Variants in RANBP2 observed in about 807,000 individuals in gnomAD.
RANBP2 encodes RAN binding protein 2, also known as E3 SUMO-protein ligase RanBP2.
In RANBP2, 57 loss-of-function variants were observed where a neutral mutation model predicts 303.6. That is an observed-to-expected ratio of 0.19 (90% CI 0.15 to 0.23). The LOEUF (loss-of-function observed/expected upper bound fraction) is 0.23, where lower values mean the gene tolerates loss of function less well. Among genes scored for constraint, RANBP2 ranks in the 10% least tolerant of loss-of-function variants. RANBP2 has a pLI of 1.00. For missense variants in RANBP2, 3,138 were observed against 3,780.8 expected (o/e 0.83, Z 4.46); for synonymous variants, 1,167 against 1,301.5 (o/e 0.90, Z 2.23).
In RANBP2 at chr2:108,765,039, T is replaced by C. The variant is rs1364040048; in HGVS notation, c.4500T>C (p.Ala1500=). ...VQNEGSSTKC[A]ACQNPRKQSL... ...ATGAGGGGAGCTCTACAAAATGTGC[T>C]GCTTGTCAGAATCCGAGAAAACAGA... The change falls in exon 20 of 29, where the codon GCT becomes GCC. Residue 1500 remains alanine, a synonymous_variant. Coordinates refer to ENST00000283195, the MANE Select transcript of RANBP2 (RefSeq NM_006267.5). The C allele has an allele frequency of 6.8e-6, 11 of 1,614,034 alleles. No homozygotes were observed. Among genetic ancestry groups the C allele is most frequent in the South Asian group, 1.1e-5 (1 of 91,082 alleles).
the RANBP2 span, chr2:109,613,011 T>A: frequency 2.0e-6 from 1 of 499,718 alleles, no homozygotes; most frequent in Non-Finnish European, 3.7e-6. Flanking sequence ...TTTACACAGA[T>A]GAAAACCACC....
At chr2:109,141,010 G>T in the RANBP2 span, among the ~76,000 whole-genome samples, 1 of 152,170 alleles carries the variant, frequency 6.6e-6, no homozygotes, top group African/African-American at 2.4e-5. Context: ...CCAGACTCCT[G>T]TTGGGCAGGC....
chr2:109,008,906 A>AAAAAAG, the RANBP2 span, among the ~76,000 whole-genome samples: 1 of 150,888 alleles, frequency 6.6e-6, no homozygotes, highest in South Asian at 2.1e-4. Context: ...CTCAAAAAAA[A>AAAAAAG]AAAAGAAAAG....
At chr2:109,166,702 G>A in the RANBP2 span, among the ~76,000 whole-genome samples, 1 of 152,172 alleles carries the variant, frequency 6.6e-6, no homozygotes, top group Non-Finnish European at 1.5e-5. Context: ...CTTTTTCAAA[G>A]CAATTTGGAA....
the RANBP2 span, among the ~76,000 whole-genome samples, chr2:108,978,760 G>A: frequency 6.6e-6 from 1 of 152,328 alleles, no homozygotes; most frequent in East Asian, 1.9e-4. Flanking sequence ...TATGGAGACA[G>A]TCTATCGGTA....
At chr2:109,484,429 G>A in the RANBP2 span, among the ~76,000 whole-genome samples, 9 of 152,048 alleles carry the variant, frequency 5.9e-5, no homozygotes, top group African/African-American at 9.6e-5. Context: ...ACTCTGGCCC[G>A]CACCTGCTTT....
the RANBP2 span, among the ~76,000 whole-genome samples, chr2:108,854,376 G>A: frequency 2.0e-5 from 3 of 150,882 alleles, no homozygotes; most frequent in African/African-American, 7.3e-5. Flanking sequence ...TAGCTGTGTG[G>A]TATTTGGAAG....
rs890087190 is a variant in RANBP2, at chr2:108,719,612, G to T, written c.6G>T (p.Arg2Ser). Residue 2 changes from arginine (R) to serine (S), a missense_variant, in exon 1 of 29, where the codon AGG (arginine) becomes AGT (serine). By Grantham distance (110) the Arg-to-Ser change is moderately radical. Around this residue, in one of 20 missense-constraint regions of RANBP2, gnomAD observed 306 missense variants for 381.9 expected, o/e 0.80. Coordinates refer to ENST00000283195, the MANE Select transcript of RANBP2 (RefSeq NM_006267.5). ...GGAGCCAGGTTGGCGGCGCGATGAG[G>T]CGCAGCAAGGCTGACGTGGAGCGGT... M[R>S]RSKADVERYI... The T allele has an allele frequency of 1.2e-6, 2 of 1,604,892 alleles. No homozygotes were observed. Among genetic ancestry groups the T allele is most frequent in the African/African-American group, 2.7e-5 (2 of 74,802 alleles).
At chr2:109,352,605 C>T in the RANBP2 span, among the ~76,000 whole-genome samples, 14 of 152,372 alleles carry the variant, frequency 9.2e-5, no homozygotes, top group African/African-American at 2.4e-4. Context: ...AGCTCCACGT[C>T]GTTCTCTCCC....
the RANBP2 span, among the ~76,000 whole-genome samples, chr2:109,726,256 A>C: frequency 6.6e-6 from 1 of 151,886 alleles, no homozygotes; most frequent in South Asian, 2.1e-4. Flanking sequence ...TAAAAATACA[A>C]GAGTAGCGGG....
At chr2:109,712,865 AG>A in the RANBP2 span, among the ~76,000 whole-genome samples, 1 of 152,230 alleles carries the variant, frequency 6.6e-6, no homozygotes, top group Non-Finnish European at 1.5e-5. Context: ...TCATATTCAC[AG>A]GCCCCTAAAG....
the RANBP2 span, chr2:109,567,684 T>C: frequency 1.1e-6 from 1 of 915,900 alleles, no homozygotes; most frequent in Non-Finnish European, 1.6e-6. Context: ...ATACTGGACT[T>C]TTTGAAAATT....
the RANBP2 span, among the ~76,000 whole-genome samples, chr2:109,031,453 T>A: frequency 9.8e-3 from 1,495 of 152,334 alleles, 20 homozygotes; most frequent in African/African-American, 0.034. Flanking sequence ...CCCCTCTTAC[T>A]ACTGTTGCAC....
At chr2:109,371,711 C>G in the RANBP2 span, 1 of 1,596,288 alleles carries the variant, frequency 6.3e-7, no homozygotes, top group Non-Finnish European at 8.6e-7. Context: ...CCACACTTGG[C>G]TCCTTCTTGC....
chr2:109,710,246 G>A, the RANBP2 span, among the ~76,000 whole-genome samples: 1 of 152,046 alleles, frequency 6.6e-6, no homozygotes. Context: ...GCCAGGGGTG[G>A]TGGCACACAC....
chr2:109,262,965 T>C, the RANBP2 span, among the ~76,000 whole-genome samples: 1 of 152,254 alleles, frequency 6.6e-6, no homozygotes, highest in African/African-American at 2.4e-5. Context: ...CCCACGTAGC[T>C]GGGAGTACAG....
the RANBP2 span, among the ~76,000 whole-genome samples, chr2:109,466,893 ATG>A: frequency 1.3e-5 from 2 of 152,024 alleles, no homozygotes; most frequent in Admixed American, 6.6e-5. Context: ...ATATGTGTGC[ATG>A]TGTTTGTGTA....
chr2:109,403,859 G>A, the RANBP2 span, among the ~76,000 whole-genome samples: 1 of 152,230 alleles, frequency 6.6e-6, no homozygotes, highest in African/African-American at 2.4e-5. Flanking sequence ...CTACCTGTCT[G>A]TGGAATGGAG....
At chr2:108,750,939 G>A (rs1675833097) in intron 9 of RANBP2, among the ~76,000 whole-genome samples, 1 of 152,060 alleles carries the variant, frequency 6.6e-6, no homozygotes, top group Non-Finnish European at 1.5e-5. Context: ...CCATCGTTTT[G>A]GGGTTTCTTA....
Sources: allele counts gnomAD v4.1 joint callset (sites outside exome capture counted in the v4.1 genomes callset), GRCh38; gene constraint gnomAD v4.1.1; regional missense constraint gnomAD v4.1.1; transcripts MANE v1.5; gene names NCBI Gene and HGNC (gene_info 2026-07-23, HGNC 2026-07-21).